Variants in GATAD2A observed in about 807,000 individuals in gnomAD.
GATAD2A encodes the protein transcriptional repressor p66-alpha.
GATAD2A carries 12 observed loss-of-function variants against 68.5 expected under a neutral mutation model. The ratio of observed to expected loss-of-function variants is 0.18; its 90% CI spans 0.11 to 0.28. The LOEUF is 0.28. GATAD2A is among the 10% of genes least tolerant of loss of function. The probability of loss-of-function intolerance (pLI) is 1.00; values close to 1 mark genes in which losing one functional copy is unlikely to be tolerated. For synonymous variants in GATAD2A, 410 were observed against 375.3 expected (o/e 1.09, Z -1.07); for missense variants, 755 against 868.5 (o/e 0.87, Z 1.64).
chr19:19,399,781 T>C (rs2049567554), intron 1 of GATAD2A, among the ~76,000 whole-genome samples: 1 of 152,156 alleles, frequency 6.6e-6, no homozygotes, highest in Admixed American at 6.5e-5. Flanking sequence ...TACATCCTGT[T>C]AGGAAAACAT....
At chr19:19,420,496 C>CG (rs2052272784) in intron 1 of GATAD2A, among the ~76,000 whole-genome samples, 1 of 134,972 alleles carries the variant, frequency 7.4e-6, no homozygotes, top group African/African-American at 2.8e-5. Context: ...CACGCCTGGC[C>CG]AATTTTTTTT....
At chr19:19,418,346 T>TGAAA (rs2051908769) in intron 1 of GATAD2A, among the ~76,000 whole-genome samples, 2 of 152,186 alleles carry the variant, frequency 1.3e-5, no homozygotes, top group African/African-American at 4.8e-5. Flanking sequence ...TGTAGTGCTT[T>TGAAA]GTGTTAGGTG....
intron 2 of GATAD2A, among the ~76,000 whole-genome samples, chr19:19,475,499 G>GC (rs1183683335): frequency 7.0e-6 from 1 of 142,470 alleles, no homozygotes; most frequent in Non-Finnish European, 1.6e-5. Flanking sequence ...CCCCTCCACT[G>GC]CCCCAGCCCC....
intron 7 of GATAD2A, among the ~76,000 whole-genome samples, 189 bp from the exon 8 acceptor site, chr19:19,498,254 T>G (rs912150335): frequency 1.3e-5 from 2 of 152,234 alleles, no homozygotes; most frequent in Non-Finnish European, 2.9e-5. Context: ...GTGGTGTGTT[T>G]CTCGCGCCTC....
chr19:19,498,787 T>A, intron 8 of GATAD2A, 65 bp downstream of exon 8: 1 of 1,414,196 alleles, frequency 7.1e-7, no homozygotes, highest in South Asian at 1.3e-5. Context: ...GCCCCGTGGG[T>A]TCTTTCCAAC....
intron 7 of GATAD2A, among the ~76,000 whole-genome samples, chr19:19,497,202 A>T (rs1376940115): frequency 6.6e-6 from 1 of 152,058 alleles, no homozygotes; most frequent in Non-Finnish European, 1.5e-5. Context: ...CCCAGGAGAT[A>T]CTCCTGCGTC....
At chr19:19,398,559 C>T (rs1357611681) in intron 1 of GATAD2A, among the ~76,000 whole-genome samples, 1 of 151,672 alleles carries the variant, frequency 6.6e-6, no homozygotes, top group Non-Finnish European at 1.5e-5. Flanking sequence ...TCTCAAACTT[C>T]TGGGCTCAAG....
intron 1 of GATAD2A, among the ~76,000 whole-genome samples, chr19:19,423,915 A>G (rs1279464531): frequency 6.6e-6 from 1 of 152,068 alleles, no homozygotes; most frequent in East Asian, 1.9e-4. Context: ...TATCCTAGAA[A>G]CTACCTTTAT....
At chr19:19,413,687 C>T (rs1329633331) in intron 1 of GATAD2A, among the ~76,000 whole-genome samples, 4 of 152,048 alleles carry the variant, frequency 2.6e-5, no homozygotes, top group Non-Finnish European at 4.4e-5. Context: ...TGGGTTCAAG[C>T]GATTCTCCTG....
rs527655764 is a variant in GATAD2A, at chr19:19,486,086, G to A, written c.270-6220G>A. On this transcript the variant is annotated intron_variant, in intron 2 of 11. Coordinates refer to ENST00000683918, the MANE Select transcript of GATAD2A (RefSeq NM_001384528.1). ...ATCAAGGCAAGAGGAGGAAGTGGGCGCTCCCCAGCCTTGCCAGGCCCCCAG... is the reference window on the plus strand; with the variant it reads ...ATCAAGGCAAGAGGAGGAAGTGGGCACTCCCCAGCCTTGCCAGGCCCCCAG... Among the ~76,000 whole-genome samples, 8 of 152,320 alleles carry A rather than the reference G, an allele frequency of 5.3e-5. No individual in the cohort carries two copies. The South Asian group carries it at 1.5e-3, about 28-fold the overall frequency.
At chr19:19,502,813 A>G (rs57009615) in intron 11 of GATAD2A, among the ~76,000 whole-genome samples, 21,593 of 152,240 alleles carry the variant, frequency 0.14, 1,664 homozygotes, top group South Asian at 0.25. Flanking sequence ...CCCCACAGCC[A>G]TCCATGTGGA....
chr19:19,417,109 C>G (rs561785322), intron 1 of GATAD2A, among the ~76,000 whole-genome samples: 6 of 152,298 alleles, frequency 3.9e-5, no homozygotes, highest in African/African-American at 1.2e-4. Flanking sequence ...AGAGCTTAAG[C>G]TGCTTCGGCA....
At chr19:19,401,534 A>G (rs1171215114), upstream of GATAD2A, among the ~76,000 whole-genome samples, 1 of 152,008 alleles carries the variant, frequency 6.6e-6, no homozygotes, top group African/African-American at 2.4e-5. Flanking sequence ...CTTTCTTATG[A>G]ATACATTTTC....
chr19:19,446,810 C>T (rs537347463), intron 1 of GATAD2A, among the ~76,000 whole-genome samples: 8 of 152,182 alleles, frequency 5.3e-5, no homozygotes, highest in East Asian at 1.9e-4. Flanking sequence ...CCTCCCTCCT[C>T]GGTCTTCCAA....
At chr19:19,503,144 G>A (rs2060653417) in intron 11 of GATAD2A, among the ~76,000 whole-genome samples, 1 of 152,216 alleles carries the variant, frequency 6.6e-6, no homozygotes, top group Non-Finnish European at 1.5e-5. Context: ...TTTCATGTAT[G>A]TGTTAACATT....
chr19:19,436,154 T>C, intron 1 of GATAD2A: 6 of 1,366,184 alleles, frequency 4.4e-6, no homozygotes, highest in Non-Finnish European at 5.9e-6. Context: ...TTGTCTCAAG[T>C]AGCCTTTTGA....
chr19:19,458,010 A>C (rs2057093049), intron 1 of GATAD2A, among the ~76,000 whole-genome samples: 1 of 152,144 alleles, frequency 6.6e-6, no homozygotes, highest in African/African-American at 2.4e-5. Context: ...ACGATCTCTC[A>C]GTTTGGGGTC....
intron 1 of GATAD2A, among the ~76,000 whole-genome samples, chr19:19,407,244 T>G (rs1568703031): frequency 6.6e-6 from 1 of 152,244 alleles, no homozygotes; most frequent in South Asian, 2.1e-4. Flanking sequence ...TTAAACTAGA[T>G]TACATGAAAT....
At chr19:19,472,166 G>T (rs926287048) in intron 2 of GATAD2A, among the ~76,000 whole-genome samples, 2 of 152,126 alleles carry the variant, frequency 1.3e-5, no homozygotes, top group Non-Finnish European at 2.9e-5. Context: ...CAAAGTGCTG[G>T]GATTATAGAT....
Sources: gnomAD v4.1 joint callset for allele counts (sites outside exome capture counted in the v4.1 genomes callset) on GRCh38, gnomAD v4.1.1 for gene constraint, MANE v1.5 for transcripts, NCBI Gene and HGNC (gene_info 2026-07-23, HGNC 2026-07-21) for gene names.